WDFY4: variants seen among roughly 807,000 people sequenced by gnomAD.
The protein encoded by WDFY4 is WDFY family member 4.
A neutral mutation model predicts 351.9 loss-of-function variants in WDFY4; 169 were observed. The observed-to-expected ratio is 0.48, with a 90% CI of 0.42 to 0.55. The LOEUF (loss-of-function observed/expected upper bound fraction) is 0.55, where lower values mean the gene tolerates loss of function less well. Among genes scored for constraint, WDFY4 ranks in the 20% least tolerant of loss-of-function variants. The pLI is 0.00. For missense variants in WDFY4, 3,803 were observed against 3,935.6 expected (o/e 0.97, Z 0.90); for synonymous variants, 1,622 against 1,574.6 (o/e 1.03, Z -0.71).
chr10:48,974,841 C>A (rs940804951), intron 57 of WDFY4, 21 bp from the exon 58 acceptor site: 1 of 1,520,274 alleles, frequency 6.6e-7, no homozygotes, highest in African/African-American at 1.4e-5. Flanking sequence ...CCTCTCCTAA[C>A]CTGTGAGTCT....
chr10:48,885,754 G>A (rs965662388), intron 43 of WDFY4, among the ~76,000 whole-genome samples: 3 of 151,636 alleles, frequency 2.0e-5, no homozygotes, highest in Non-Finnish European at 2.9e-5. Flanking sequence ...AGATAGATAG[G>A]TAGATAGATA....
intron 48 of WDFY4, 54 bp from the exon 49 acceptor site, chr10:48,943,276 T>C: frequency 6.5e-7 from 1 of 1,541,776 alleles, no homozygotes. Flanking sequence ...GACCCATGGC[T>C]TTGCAGGAGC....
intron 27 of WDFY4, 120 bp from the exon 28 acceptor site, chr10:48,807,739 G>A (rs1360035716): frequency 7.8e-6 from 9 of 1,154,782 alleles, no homozygotes; most frequent in Non-Finnish European, 1.1e-5. Flanking sequence ...AAAATTTTGA[G>A]TCCCAGCCAT....
chr10:48,865,983 G>T (rs1436198333), intron 39 of WDFY4, among the ~76,000 whole-genome samples: 1 of 151,464 alleles, frequency 6.6e-6, no homozygotes, highest in Non-Finnish European at 1.5e-5. Context: ...TTTTTTCTTG[G>T]TCAACCTAGC....
At chr10:48,973,058 C>T (rs138796612) in intron 57 of WDFY4, among the ~76,000 whole-genome samples, 1 of 152,270 alleles carries the variant, frequency 6.6e-6, no homozygotes, top group East Asian at 1.9e-4. Flanking sequence ...CCAACCTGAC[C>T]TAAGTGGGCA....
At chr10:48,811,291 G>A (rs1254647170) in intron 29 of WDFY4, among the ~76,000 whole-genome samples, 1 of 152,216 alleles carries the variant, frequency 6.6e-6, no homozygotes, top group East Asian at 1.9e-4. Flanking sequence ...CTAATTCAAA[G>A]CTGCCCTGTT....
chr10:48,898,688 C>T (rs115999400), intron 45 of WDFY4, among the ~76,000 whole-genome samples: 165 of 152,284 alleles, frequency 1.1e-3, no homozygotes, highest in African/African-American at 3.9e-3. Context: ...CCACTCTAGC[C>T]CTCTAATGAG....
intron 35 of WDFY4, chr10:48,824,124 C>G: frequency 5.1e-6 from 5 of 985,440 alleles, no homozygotes; most frequent in Non-Finnish European, 6.0e-6. Context: ...CTACTTCTCC[C>G]TCTAAGTTTC....
chr10:48,900,079 A>C, intron 45 of WDFY4, 142 bp from the exon 46 acceptor site: 1 of 654,816 alleles, frequency 1.5e-6, no homozygotes, highest in Non-Finnish European at 2.6e-6. Context: ...AGGTCTTCCT[A>C]CCATGGGAAC....
At chr10:48,842,743 A>G (rs1271557405) in intron 39 of WDFY4, among the ~76,000 whole-genome samples, 1 of 152,230 alleles carries the variant, frequency 6.6e-6, no homozygotes, top group Non-Finnish European at 1.5e-5. Flanking sequence ...ACTTAAGTGC[A>G]AAGTCCACAC....
chr10:48,969,184 A>G lies in WDFY4; in HGVS notation c.8705A>G (p.Asn2902Ser), dbSNP rs1472803067. The G allele has an allele frequency of 1.3e-6, 2 of 1,551,588 alleles. No homozygotes were observed. The highest frequency in any genetic ancestry group is 2.4e-5 in the South Asian group (2 of 84,070). Residue 2902 changes from asparagine (N) to serine (S), a missense_variant, in exon 56 of 62, where the codon AAC becomes AGC. Asn to Ser is a conservative substitution (Grantham distance 46). Around this residue, in one of 3 missense-constraint regions of WDFY4, gnomAD observed 3,054 missense variants for 3,148.6 expected, o/e 0.97. Transcript: ENST00000325239. ...AAAGTGCTGCTGCCTCCTCTCTGGAACAGGACCTTCAGCTGGGGCTTTGAT... is the reference window on the plus strand; with the variant it reads ...AAAGTGCTGCTGCCTCCTCTCTGGAGCAGGACCTTCAGCTGGGGCTTTGAT... ...RNKVLLPPLWNRTFSWGFDDF... is the reference protein window; with the variant it reads ...RNKVLLPPLWSRTFSWGFDDF...
In WDFY4 at chr10:48,916,159, A is replaced by G. The variant is rs188004403; in HGVS notation, c.7586+14296A>G. On this transcript the variant is annotated intron_variant, in intron 47 of 61. Transcript: ENST00000325239. ...AATCCATAACTCAAAGTAAAGACCAATCTGGCCACAAGTTTCCTGAACTCC... is the reference window on the plus strand; with the variant it reads ...AATCCATAACTCAAAGTAAAGACCAGTCTGGCCACAAGTTTCCTGAACTCC... Among the ~76,000 whole-genome samples the G allele has an allele frequency of 1.0e-3, 159 of 152,250 alleles. 1 individual carries two copies. The highest frequency in any genetic ancestry group is 3.7e-3 in the African/African-American group (153 of 41,550).
chr10:48,809,556 CCAT>C (rs1467912061), intron 28 of WDFY4, among the ~76,000 whole-genome samples: 3 of 144,362 alleles, frequency 2.1e-5, no homozygotes, highest in South Asian at 4.3e-4. Context: ...ATCACCACCA[CCAT>C]CATCAACATC....
At chr10:48,718,716 G>A (rs997541424) in intron 2 of WDFY4, among the ~76,000 whole-genome samples, 2 of 152,200 alleles carry the variant, frequency 1.3e-5, no homozygotes, top group African/African-American at 4.8e-5. Flanking sequence ...CGCACGACTA[G>A]GAAACTTAGT....
At chr10:48,744,346 T>C (rs879783679) in intron 12 of WDFY4, among the ~76,000 whole-genome samples, 1 of 152,126 alleles carries the variant, frequency 6.6e-6, no homozygotes. Flanking sequence ...CAGACTTCAG[T>C]GTTGGGGATG....
Position 48,813,981 on chromosome 10 carries a change from T to G in WDFY4, c.5239T>G (p.Trp1747Gly). ...GGACAGCCTTGATGCCATGCTTCAG[T>G]GGCTCCTGCAGAGGCACCACCAGGA... ...PKDSLDAMLQ[W>G]LLQRHHQEEV... Residue 1747 changes from tryptophan (W) to glycine (G), a missense_variant, in exon 31 of 62, where the codon TGG (tryptophan) becomes GGG (glycine). By Grantham distance (184) the Trp-to-Gly change is radical (BLOSUM62 -2). This residue lies in a region of WDFY4 where 3,054 missense variants were observed against 3,148.6 expected (regional missense o/e 0.97). Coordinates refer to ENST00000325239, the MANE Select transcript of WDFY4 (RefSeq NM_001394531.1). The G allele has an allele frequency of 6.5e-7, 1 of 1,549,460 alleles. No individual in the cohort carries two copies.
At position 48,786,712 on chromosome 10, in the gene WDFY4, A is replaced by T; in HGVS notation, c.3650A>T (p.Tyr1217Phe). The change falls in exon 20 of 62, where the codon TAT becomes TTT. Residue 1217 changes from tyrosine (Y) to phenylalanine (F), a missense_variant. By Grantham distance (22) the Tyr-to-Phe change is conservative (BLOSUM62 3). This residue lies in a region of WDFY4 where 3,054 missense variants were observed against 3,148.6 expected (regional missense o/e 0.97). Transcript: ENST00000325239. The stretch of plus-strand genomic sequence containing the variant: ...TCCGCATTTGTGGATGTTTATGGAT[A>T]TATTGCTACTCCTCGAGTCTGGAAA... ...DPSAFVDVYG[Y>F]IATPRVWKQK... 1.3e-6 allele frequency: 2 copies of T among 1,552,274 alleles called. No homozygotes were observed. Among genetic ancestry groups the T allele is most frequent in the South Asian group, 1.2e-5 (1 of 84,064 alleles).
chr10:48,768,345 G>A (rs796406461), intron 13 of WDFY4, among the ~76,000 whole-genome samples: 31 of 152,300 alleles, frequency 2.0e-4, no homozygotes, highest in African/African-American at 7.5e-4. Flanking sequence ...ATGGCCAGCA[G>A]CACAGCGAGC....
chr10:48,890,470 C>T (rs148208000), intron 43 of WDFY4, 109 bp from the exon 44 acceptor site: 35 of 1,355,376 alleles, frequency 2.6e-5, no homozygotes, highest in Non-Finnish European at 3.6e-5. Flanking sequence ...AGGCACTGCT[C>T]TCACCTCCAA....
Sources: allele counts gnomAD v4.1 joint callset (sites outside exome capture counted in the v4.1 genomes callset), GRCh38; gene constraint gnomAD v4.1.1; regional missense constraint gnomAD v4.1.1; transcripts MANE v1.5; gene names NCBI Gene and HGNC (gene_info 2026-07-23, HGNC 2026-07-21).